TBL1X: variants seen among roughly 807,000 people sequenced by gnomAD.
TBL1X encodes the protein transducin beta like 1 X-linked, also known as F-box-like/WD repeat-containing protein TBL1X.
Under a neutral mutation model 50.7 loss-of-function variants are expected in TBL1X, and 10 were observed. The ratio of observed to expected loss-of-function variants is 0.20; its 90% CI spans 0.12 to 0.33. The LOEUF (loss-of-function observed/expected upper bound fraction) is 0.33, where lower values mean the gene tolerates loss of function less well. Among genes scored for constraint, TBL1X ranks in the 10% least tolerant of loss-of-function variants. The probability of loss-of-function intolerance (pLI) is 1.00; values close to 1 mark genes in which losing one functional copy is unlikely to be tolerated. For missense variants in TBL1X, 340 were observed against 504.4 expected, an observed-to-expected ratio of 0.67 and a Z score of 3.12; for synonymous variants, 190 against 214.7, an observed-to-expected ratio of 0.88 and a Z score of 1.01.
chrX:9,541,761 G>A (rs1490265760), intron 2 of TBL1X, among the ~76,000 whole-genome samples: 1 of 111,134 alleles, frequency 9.0e-6, no homozygotes, highest in Non-Finnish European at 1.9e-5. Flanking sequence ...GCCATGCAGC[G>A]TTTTGGTCAC....
At chrX:9,693,490 C>A in intron 11 of TBL1X, 71 bp downstream of exon 11, 1 of 1,013,764 alleles carries the variant, frequency 9.9e-7, no homozygotes, top group Non-Finnish European at 1.4e-6. Flanking sequence ...AAAATAACAT[C>A]GTGGTTTCTT....
chrX:9,620,066 A>G (rs1202364808), intron 2 of TBL1X, among the ~76,000 whole-genome samples: 1 of 112,474 alleles, frequency 8.9e-6, no homozygotes, highest in African/African-American at 3.2e-5. Flanking sequence ...CAATGTAGGC[A>G]AAATGGGGAC....
At chrX:9,703,777 T>C (rs1340880743) in intron 12 of TBL1X, among the ~76,000 whole-genome samples, 1 of 111,932 alleles carries the variant, frequency 8.9e-6, no homozygotes, top group Non-Finnish European at 1.9e-5. Context: ...TCCACATCTG[T>C]AGCTGAGACT....
chrX:9,628,834 C>A (rs1450971921), intron 2 of TBL1X, among the ~76,000 whole-genome samples: 1 of 112,332 alleles, frequency 8.9e-6, no homozygotes, highest in African/African-American at 3.2e-5. Flanking sequence ...AGGCATGAGG[C>A]ACTGCGCCTG....
intron 2 of TBL1X, among the ~76,000 whole-genome samples, chrX:9,589,510 G>A (rs1456662532): frequency 9.0e-6 from 1 of 111,173 alleles, no homozygotes; most frequent in Non-Finnish European, 1.9e-5. Flanking sequence ...CATGGACTGA[G>A]CCTTCCGATC....
chrX:9,625,258 C>CA (rs2082686659), intron 2 of TBL1X, among the ~76,000 whole-genome samples: 1 of 112,495 alleles, frequency 8.9e-6, no homozygotes, highest in Non-Finnish European at 1.9e-5. Flanking sequence ...AGGAACACAA[C>CA]AGCATTCCAA....
Position 9,693,168 on chromosome X carries a change from C to T in TBL1X, c.911C>T (p.Ala304Val). ...CCTCAGACCAATGGAACACTCTTGGCTACGGGTTCATATGACGGTTTTGCA... is the reference window on the plus strand; with the variant it reads ...CCTCAGACCAATGGAACACTCTTGGTTACGGGTTCATATGACGGTTTTGCA... Reference protein sequence around the residue: ...LDWNTNGTLLATGSYDGFARI... With the variant: ...LDWNTNGTLLVTGSYDGFARI... The change falls in exon 10 of 18, where the codon GCT becomes GTT. Residue 304 changes from alanine (A) to valine (V), a missense_variant. By Grantham distance (64) the Ala-to-Val change is moderately conservative. Coordinates refer to ENST00000645353, the MANE Select transcript of TBL1X (RefSeq NM_005647.4). 6.6e-6 allele frequency: 8 copies of T among 1,211,454 alleles called. No homozygotes were observed. The highest frequency in any genetic ancestry group is 8.9e-6 in the Non-Finnish European group (8 of 895,479).
At position 9,717,858 on chromosome X, in the gene TBL1X, CTT is replaced by C. The variant is rs1263462505; in HGVS notation, c.*1614_*1615del. 1 of 112,114 alleles carries C rather than the reference CTT, an allele frequency of 8.9e-6. No homozygotes were observed. Among genetic ancestry groups the C allele is most frequent in the Non-Finnish European group, 1.9e-5 (1 of 53,276 alleles). The allele number at this position is 112,114 out of a possible 1,213,427, so 9.2% of individuals were successfully genotyped here. ...GAACGTCGCTAATAATTTCTGCCAT[CTT>C]TATAATTTCTTTGTCTCACAGAAGA... On this transcript the variant is annotated 3_prime_UTR_variant, in exon 18 of 18. Transcript: ENST00000645353.
chrX:9,693,725 C>T (rs1211519300), intron 11 of TBL1X, among the ~76,000 whole-genome samples: 1 of 111,567 alleles, frequency 9.0e-6, no homozygotes, highest in East Asian at 2.8e-4. Context: ...GAAGGAGCCA[C>T]GTGGTATGGG....
At chrX:9,635,378 C>T (rs923732881) in intron 2 of TBL1X, among the ~76,000 whole-genome samples, 2 of 109,848 alleles carry the variant, frequency 1.8e-5, no homozygotes, top group African/African-American at 6.6e-5. Flanking sequence ...ATGCCAATCC[C>T]ATGCTTTTAT....
chrX:9,510,838 C>T (rs1021488464), intron 2 of TBL1X, among the ~76,000 whole-genome samples: 14 of 111,811 alleles, frequency 1.3e-4, no homozygotes, highest in African/African-American at 3.6e-4. Flanking sequence ...GTGACATCTG[C>T]GCTTTCCTGG....
chrX:9,477,176 TC>T (rs1156466598), intron 1 of TBL1X, among the ~76,000 whole-genome samples: 1 of 112,142 alleles, frequency 8.9e-6, no homozygotes, highest in Non-Finnish European at 1.9e-5. Context: ...TTCTTTCCTT[TC>T]TAATATGTGT....
intron 4 of TBL1X, among the ~76,000 whole-genome samples, chrX:9,653,899 G>A (rs958582420): frequency 1.8e-5 from 2 of 111,859 alleles, no homozygotes; most frequent in African/African-American, 6.5e-5. Flanking sequence ...TTTATTGAAC[G>A]CAAAGTCAGT....
chrX:9,617,733 C>T (rs754356685), intron 2 of TBL1X, among the ~76,000 whole-genome samples: 2 of 111,739 alleles, frequency 1.8e-5, no homozygotes, highest in East Asian at 2.8e-4. Context: ...CTTGGAGTGC[C>T]GGAAAGTATA....
At chrX:9,604,408 C>A (rs1480452943) in intron 2 of TBL1X, among the ~76,000 whole-genome samples, 2 of 108,308 alleles carry the variant, frequency 1.8e-5, no homozygotes, top group Non-Finnish European at 3.9e-5. Context: ...CTTTCCCCCC[C>A]TTTTTTTTTT....
chrX:9,554,100 T>G (rs2082283611), intron 2 of TBL1X, among the ~76,000 whole-genome samples: 1 of 112,333 alleles, frequency 8.9e-6, no homozygotes, highest in African/African-American at 3.2e-5. Flanking sequence ...AGACTGGTCT[T>G]AAATTCCTGG....
At position 9,719,490 on chromosome X, in the gene TBL1X, G is replaced by A. The variant is rs1189044129; in HGVS notation, c.*3244G>A. 3.6e-5 allele frequency: 4 copies of A among 111,417 alleles called. No homozygotes were observed. Among genetic ancestry groups the A allele is most frequent in the Non-Finnish European group, 7.5e-5 (4 of 53,012 alleles). 9.2% of individuals were successfully genotyped at this position (111,417 alleles called of 1,213,427 possible). On this transcript the variant is annotated 3_prime_UTR_variant, in exon 18 of 18. Coordinates refer to ENST00000645353, the MANE Select transcript of TBL1X (RefSeq NM_005647.4). Reference sequence around the variant, plus strand: ...TCCTTCCGCCACTCACTGAAGTTTTGCATTCTGGCTTGTGCAGTTTTTATT... The same window carrying A: ...TCCTTCCGCCACTCACTGAAGTTTTACATTCTGGCTTGTGCAGTTTTTATT...
intron 5 of TBL1X, among the ~76,000 whole-genome samples, chrX:9,672,195 T>C (rs1191938470): frequency 8.9e-6 from 1 of 112,081 alleles, no homozygotes; most frequent in Non-Finnish European, 1.9e-5. Flanking sequence ...CTTCCTACTT[T>C]AAAAATTGGT....
intron 2 of TBL1X, among the ~76,000 whole-genome samples, chrX:9,566,395 T>C (rs748768671): frequency 1.8e-5 from 2 of 112,224 alleles, no homozygotes; most frequent in Non-Finnish European, 3.8e-5. Context: ...CTGTTTGATA[T>C]TGGTAATACA....
Sources: allele counts gnomAD v4.1 joint callset (sites outside exome capture counted in the v4.1 genomes callset), GRCh38; gene constraint gnomAD v4.1.1; transcripts MANE v1.5; gene names NCBI Gene and HGNC (gene_info 2026-07-23, HGNC 2026-07-21).